The following EXD1 variants were observed in gnomAD, a reference collection of about 807,000 sequenced individuals.
The protein encoded by EXD1 is piRNA biogenesis protein EXD1.
In EXD1, 63 loss-of-function variants were observed where a neutral mutation model predicts 49.1. That is an observed-to-expected ratio of 1.28 (90% CI 1.05 to 1.58). The LOEUF (loss-of-function observed/expected upper bound fraction) is 1.58, where lower values mean the gene tolerates loss of function less well. EXD1 is among the 40% of genes most tolerant of loss of function. The pLI is 0.00. For synonymous variants in EXD1, 234 were observed against 239.2 expected (o/e 0.98, Z 0.20); for missense variants, 748 against 666.0 (o/e 1.12, Z -1.36).
chr15:41,197,537 G>A (rs1018283312), intron 7 of EXD1, among the ~76,000 whole-genome samples: 5 of 151,776 alleles, frequency 3.3e-5, no homozygotes. Context: ...CCAATGATAG[G>A]TACTTGATTC....
intron 7 of EXD1, among the ~76,000 whole-genome samples, chr15:41,206,751 A>G (rs2140871912): frequency 6.8e-6 from 1 of 146,894 alleles, no homozygotes; most frequent in African/African-American, 2.5e-5. Context: ...CACCATTAGT[A>G]GCTAGGATTA....
chr15:41,227,832 C>G (rs1374405317), intron 1 of EXD1, among the ~76,000 whole-genome samples: 1 of 152,076 alleles, frequency 6.6e-6, no homozygotes, highest in Admixed American at 6.6e-5. Flanking sequence ...GGCAGATCAC[C>G]TGAGGTCAGG....
At chr15:41,219,940 C>T (rs1222576405) in intron 2 of EXD1, 42 bp from the exon 3 acceptor site, 1 of 1,479,696 alleles carries the variant, frequency 6.8e-7, no homozygotes, top group Non-Finnish European at 9.1e-7. Flanking sequence ...AAAATATTTT[C>T]CTAAAACTCT....
chr15:41,197,939 G>A (rs765948362), intron 7 of EXD1, among the ~76,000 whole-genome samples: 3 of 151,948 alleles, frequency 2.0e-5, no homozygotes, highest in Non-Finnish European at 4.4e-5. Flanking sequence ...CAGGAGAATC[G>A]CTTGAACCCT....
chr15:41,197,067 T>G (rs983747345), intron 7 of EXD1, among the ~76,000 whole-genome samples: 2 of 152,036 alleles, frequency 1.3e-5, no homozygotes, highest in Non-Finnish European at 2.9e-5. Flanking sequence ...TAAAGCAATC[T>G]GCCTGCCTTG....
In EXD1 at chr15:41,200,383, C is replaced by T. The variant is rs1002689802; in HGVS notation, c.535-4346G>A. Among the ~76,000 whole-genome samples the T allele has an allele frequency of 1.5e-3, 224 of 151,934 alleles. 2 individuals are homozygous for T. The highest frequency in any genetic ancestry group is 5.2e-3 in the African/African-American group (214 of 41,372). On this transcript the variant is annotated intron_variant, in intron 7 of 11. Transcript: ENST00000458580. ...ACTAAAAATACAAAAATTAGTTGGG[C>T]GTGGTGGTGTGCACCTGTAGTCCCA...
chr15:41,205,677 G>A (rs898346265), intron 7 of EXD1, among the ~76,000 whole-genome samples: 1 of 146,820 alleles, frequency 6.8e-6, no homozygotes, highest in African/African-American at 2.5e-5. Context: ...GGGCAACAGA[G>A]TGAGACCCCG....
chr15:41,217,181 C>T (rs757561182), intron 3 of EXD1, 27 bp from the exon 4 acceptor site: 3 of 1,602,468 alleles, frequency 1.9e-6, no homozygotes, highest in Non-Finnish European at 2.6e-6. Flanking sequence ...TGGCTTCCAA[C>T]AGAGTTTCCA....
intron 11 of EXD1, among the ~76,000 whole-genome samples, chr15:41,189,246 T>C (rs2046465809): frequency 6.6e-6 from 1 of 151,620 alleles, no homozygotes; most frequent in South Asian, 2.1e-4. Flanking sequence ...CAGGTGCCTG[T>C]AATCCCAGCT....
chr15:41,205,284 C>T (rs1005697209), intron 7 of EXD1, among the ~76,000 whole-genome samples: 3 of 152,092 alleles, frequency 2.0e-5, no homozygotes, highest in Non-Finnish European at 4.4e-5. Flanking sequence ...GTAGAGGGCT[C>T]CAGGAGAGAT....
chr15:41,199,759 C>CAA (rs2046691570), intron 7 of EXD1, among the ~76,000 whole-genome samples: 1 of 12,616 alleles, frequency 7.9e-5, no homozygotes, highest in African/African-American at 2.7e-4. Context: ...ATATATGATA[C>CAA]ATATATGATA....
intron 9 of EXD1, among the ~76,000 whole-genome samples, chr15:41,194,059 T>G (rs692335): frequency 7.0e-6 from 1 of 142,514 alleles, no homozygotes. Context: ...TCTCCCAGGC[T>G]GGAGTGCAGT....
intron 7 of EXD1, among the ~76,000 whole-genome samples, chr15:41,204,883 C>T (rs1171452465): frequency 6.6e-6 from 1 of 152,052 alleles, no homozygotes; most frequent in Non-Finnish European, 1.5e-5. Flanking sequence ...TCATAGATCC[C>T]CATTCTATAG....
intron 7 of EXD1, among the ~76,000 whole-genome samples, chr15:41,204,181 G>A (rs1595441527): frequency 6.7e-6 from 1 of 149,002 alleles, no homozygotes; most frequent in African/African-American, 2.5e-5. Flanking sequence ...CTGGGAGGCG[G>A]AGGTTGCAGT....
In EXD1 at chr15:41,184,120, C is replaced by G. The variant is rs2046365613; in HGVS notation, c.1530G>C (p.Met510Ile). 1 of 1,614,054 alleles carries G rather than the reference C, an allele frequency of 6.2e-7. No homozygotes were observed. Among genetic ancestry groups the G allele is most frequent in the Admixed American group, 1.7e-5 (1 of 59,980 alleles). Residue 510 changes from methionine (M) to isoleucine (I), a missense_variant, in exon 12 of 12, where the codon ATG (methionine) becomes ATC (isoleucine). Met to Ile is a conservative substitution (Grantham distance 10). Coordinates refer to ENST00000458580, the MANE Select transcript of EXD1 (RefSeq NM_001286441.2). ...SLKEETEQLL[M>I]VENKEDLKCT... is the part of the protein sequence containing the mutation. Reference sequence around the variant, plus strand: ...ATTTTAAATCTTCCTTGTTTTCCACCATCAATAACTGTTCTGTCTCCTCTT... The same window carrying G: ...ATTTTAAATCTTCCTTGTTTTCCACGATCAATAACTGTTCTGTCTCCTCTT...
intron 2 of EXD1, among the ~76,000 whole-genome samples, chr15:41,223,506 A>G (rs2047120171): frequency 6.6e-6 from 1 of 151,922 alleles, no homozygotes; most frequent in Non-Finnish European, 1.5e-5. Context: ...GGATCACTTG[A>G]GCCCAGAAGC....
rs568556313 is a variant in EXD1, at chr15:41,203,426, G to T, written c.534+6075C>A. Among the ~76,000 whole-genome samples, 31 of 152,248 alleles carry T rather than the reference G, an allele frequency of 2.0e-4. 1 individual carries two copies. In the South Asian group the frequency reaches 6.4e-3, roughly 32 times the overall value. ...GTGGGCTTCTAGCCCTCTTCCCTTT[G>T]TTGAGACTCAGAAAATAATACCCCA... On this transcript the variant is annotated intron_variant, in intron 7 of 11. Transcript: ENST00000458580.
rs151158520 is a variant in EXD1, at chr15:41,200,279, T to C, written c.535-4242A>G. On this transcript the variant is annotated intron_variant, in intron 7 of 11. Coordinates refer to ENST00000458580, the MANE Select transcript of EXD1 (RefSeq NM_001286441.2). ...GGCTCATGCCTGTAATCTTAGCACC[T>C]TGGGAGGCTGAGGTGGGTGGATCAC... 3.3e-5 allele frequency among the ~76,000 whole-genome samples: 5 copies of C among 152,176 alleles called. No homozygotes were observed. In the East Asian group the frequency reaches 9.7e-4, roughly 29 times the overall value.
In EXD1 at chr15:41,196,027, T is replaced by C. The variant is rs764195607; in HGVS notation, c.545A>G (p.Asn182Ser). The C allele has an allele frequency of 6.8e-6, 11 of 1,612,394 alleles. No individual in the cohort carries two copies. The highest frequency in any genetic ancestry group is 9.3e-6 in the Non-Finnish European group (11 of 1,179,412). Reference sequence around the variant, plus strand: ...AATGTCAAATAAGTAAACTCGGCAATTTGTGGCCACCTACAATAGACCATC... The same window carrying C: ...AATGTCAAATAAGTAAACTCGGCAACTTGTGGCCACCTACAATAGACCATC... ...GKLCWLQVAT[N>S]CRVYLFDIFL... The change falls in exon 8 of 12, where the codon AAT (asparagine) becomes AGT (serine). Residue 182 changes from asparagine to serine, a missense_variant. Transcript: ENST00000458580.
Sources: allele counts gnomAD v4.1 joint callset (sites outside exome capture counted in the v4.1 genomes callset), GRCh38; gene constraint gnomAD v4.1.1; transcripts MANE v1.5; gene names NCBI Gene and HGNC (gene_info 2026-07-23, HGNC 2026-07-21).